The following SPOCK1 variants were observed in gnomAD, a reference collection of about 807,000 sequenced individuals.
SPOCK1 encodes SPARC (osteonectin), cwcv and kazal like domains proteoglycan 1.
Under a neutral mutation model 55.3 loss-of-function variants are expected in SPOCK1, and 23 were observed. The ratio of observed to expected loss-of-function variants is 0.42; its 90% confidence interval spans 0.30 to 0.59. The LOEUF is 0.59. Ranked by LOEUF, SPOCK1 falls within the 20% of genes least tolerant of loss-of-function variation. SPOCK1 has a pLI of 0.22. For synonymous variants in SPOCK1, 226 were observed against 221.0 expected (o/e 1.02, Z -0.20); for missense variants, 499 against 552.5 (o/e 0.90, Z 0.97).
At chr5:137,294,556 C>T (rs1188183635) in intron 2 of SPOCK1, among the ~76,000 whole-genome samples, 2 of 152,216 alleles carry the variant, frequency 1.3e-5, no homozygotes, top group African/African-American at 2.4e-5. Flanking sequence ...AGGCCAAGGC[C>T]GTGGAAGTTG....
intron 2 of SPOCK1, among the ~76,000 whole-genome samples, chr5:137,370,423 G>T (rs940323541): frequency 2.0e-5 from 3 of 152,212 alleles, no homozygotes; most frequent in Non-Finnish European, 2.9e-5. Flanking sequence ...ACAGGCATTG[G>T]ATGTCAAGAG....
intron 3 of SPOCK1, among the ~76,000 whole-genome samples, chr5:137,242,654 C>A (rs2127101047): frequency 6.6e-6 from 1 of 152,292 alleles, no homozygotes; most frequent in South Asian, 2.1e-4. Context: ...GGGAGAATCA[C>A]CTGAGCCCAG....
intron 2 of SPOCK1, among the ~76,000 whole-genome samples, chr5:137,334,777 C>T (rs1012874013): frequency 6.6e-6 from 1 of 152,200 alleles, no homozygotes; most frequent in Non-Finnish European, 1.5e-5. Flanking sequence ...AGGAGAAACA[C>T]CTTTGCTGTT....
chr5:137,077,840 C>G (rs1752801343), intron 5 of SPOCK1, among the ~76,000 whole-genome samples: 1 of 152,176 alleles, frequency 6.6e-6, no homozygotes, highest in South Asian at 2.1e-4. Context: ...CTCATACACC[C>G]TAGGGCCACA....
At chr5:137,362,989 AC>A (rs1307422453) in intron 2 of SPOCK1, among the ~76,000 whole-genome samples, 1 of 152,124 alleles carries the variant, frequency 6.6e-6, no homozygotes, top group Non-Finnish European at 1.5e-5. Context: ...GGTTAGTTTG[AC>A]TCCAAAGGGG....
chr5:137,199,116 G>A lies in SPOCK1; in HGVS notation c.233-58422C>T, dbSNP rs114389347. ...TCACTGTTTACTGAGCTTTTAAGGA[G>A]GAAAAATTCATCTTCCTCAGAGTCT... On this transcript the variant is annotated intron_variant, in intron 3 of 10. Coordinates refer to ENST00000394945, the MANE Select transcript of SPOCK1 (RefSeq NM_004598.4). 7.5e-3 allele frequency among the ~76,000 whole-genome samples: 1,144 copies of A among 152,266 alleles called. 16 individuals carry two copies. The highest frequency in any genetic ancestry group is 0.026 in the African/African-American group (1,067 of 41,546).
At chr5:137,283,264 C>T (rs1757198444) in intron 2 of SPOCK1, among the ~76,000 whole-genome samples, 1 of 152,216 alleles carries the variant, frequency 6.6e-6, no homozygotes, top group Admixed American at 6.5e-5. Context: ...TGCTCCTCAA[C>T]ACTTGCTCCT....
chr5:137,177,758 A>G (rs1293828892), intron 3 of SPOCK1, among the ~76,000 whole-genome samples: 3 of 152,010 alleles, frequency 2.0e-5, no homozygotes, highest in Admixed American at 2.0e-4. Flanking sequence ...CTTTTTAAGA[A>G]GAAATGTCTT....
intron 5 of SPOCK1, among the ~76,000 whole-genome samples, chr5:137,105,698 C>T (rs1753350493): frequency 6.6e-6 from 1 of 152,190 alleles, no homozygotes; most frequent in African/African-American, 2.4e-5. Context: ...GAAAGAAATG[C>T]CAACCCTGTA....
intron 2 of SPOCK1, among the ~76,000 whole-genome samples, chr5:137,288,718 G>T (rs1757312453): frequency 6.6e-6 from 1 of 151,710 alleles, no homozygotes; most frequent in Non-Finnish European, 1.5e-5. Flanking sequence ...GGTTATTGAA[G>T]TCCCTCACGG....
intron 2 of SPOCK1, among the ~76,000 whole-genome samples, chr5:137,414,351 T>C (rs1752284453): frequency 6.6e-6 from 1 of 152,218 alleles, no homozygotes; most frequent in Admixed American, 6.5e-5. Flanking sequence ...AAGCTTCCCC[T>C]TCTGCTGAGC....
chr5:137,097,313 T>C (rs1248994368), intron 5 of SPOCK1, among the ~76,000 whole-genome samples: 1 of 152,174 alleles, frequency 6.6e-6, no homozygotes, highest in Non-Finnish European at 1.5e-5. Flanking sequence ...CCCTTGCACA[T>C]TTGGCAGACC....
At chr5:137,095,269 G>A (rs1561607110) in intron 5 of SPOCK1, among the ~76,000 whole-genome samples, 1 of 152,168 alleles carries the variant, frequency 6.6e-6, no homozygotes, top group Non-Finnish European at 1.5e-5. Context: ...GGGACATGAA[G>A]TGAGCACCCA....
intron 6 of SPOCK1, among the ~76,000 whole-genome samples, chr5:137,038,338 G>A (rs908759469): frequency 3.9e-5 from 6 of 152,208 alleles, no homozygotes; most frequent in Admixed American, 1.3e-4. Flanking sequence ...GTATCTGGCA[G>A]GTAAGGAGCA....
rs999953636 is a variant in SPOCK1, at chr5:137,312,529, G to T, written c.187-45474C>A. On this transcript the variant is annotated intron_variant, in intron 2 of 10. Transcript: ENST00000394945. ...TTTGGTTGTTTTTTTTAAATTTTTT[G>T]TTGTTGTTGTTTTCTCTTAATTTAA... Among the ~76,000 whole-genome samples, 12 of 152,262 alleles carry T rather than the reference G, an allele frequency of 7.9e-5. No individual in the cohort carries two copies. In the East Asian group the frequency reaches 9.7e-4, roughly 12 times the overall value.
intron 2 of SPOCK1, among the ~76,000 whole-genome samples, chr5:137,305,186 A>G (rs2961632): frequency 0.6 from 91,370 of 152,094 alleles, 27,774 homozygotes; most frequent in Admixed American, 0.66. Flanking sequence ...CTCTCCTTAC[A>G]TAACACATAA....
At chr5:137,160,858 A>G (rs1251324120) in intron 3 of SPOCK1, among the ~76,000 whole-genome samples, 3 of 144,798 alleles carry the variant, frequency 2.1e-5, no homozygotes, top group East Asian at 4.0e-4. Flanking sequence ...TGATCCATCA[A>G]TCCCACTACT....
In SPOCK1 at chr5:137,453,072, C is replaced by A. The variant is rs138782629; in HGVS notation, c.186+45301G>T. ...TTCCACTTTATCATGTTCTTCACCTCATTCAAACCAAAGGCAAATATTAGA... is the reference window on the plus strand; with the variant it reads ...TTCCACTTTATCATGTTCTTCACCTAATTCAAACCAAAGGCAAATATTAGA... On this transcript the variant is annotated intron_variant, in intron 2 of 10. Transcript: ENST00000394945. 5.5e-4 allele frequency among the ~76,000 whole-genome samples: 84 copies of A among 152,312 alleles called. 1 individual carries two copies. Among genetic ancestry groups the A allele is most frequent in the African/African-American group, 1.9e-3 (81 of 41,574 alleles).
chr5:137,448,245 T>C (rs1055067834), intron 2 of SPOCK1, among the ~76,000 whole-genome samples: 5 of 152,110 alleles, frequency 3.3e-5, no homozygotes, highest in Admixed American at 3.3e-4. Flanking sequence ...CAAGACTTCA[T>C]CTCAAAAAAA....
Sources: allele counts gnomAD v4.1 joint callset (sites outside exome capture counted in the v4.1 genomes callset), GRCh38; gene constraint gnomAD v4.1.1; transcripts MANE v1.5; gene names NCBI Gene and HGNC (gene_info 2026-07-23, HGNC 2026-07-21).